The following LYPD6 variants were observed in gnomAD, a reference collection of about 807,000 sequenced individuals.
LYPD6 encodes ly6/PLAUR domain-containing protein 6.
LYPD6 carries 15 observed loss-of-function variants against 22.7 expected under a neutral mutation model. The ratio of observed to expected loss-of-function variants is 0.66; its 90% CI spans 0.44 to 1.02. The LOEUF (loss-of-function observed/expected upper bound fraction) is 1.02. Ranked by LOEUF, LYPD6 falls within the 50% of genes least tolerant of loss-of-function variation. LYPD6 has a pLI of 0.00. For synonymous variants in LYPD6, 72 were observed against 77.5 expected (o/e 0.93, Z 0.37); for missense variants, 189 against 208.4 (o/e 0.91, Z 0.57).
At chr2:149,435,172 G>A (rs1422925388) in intron 1 of LYPD6, among the ~76,000 whole-genome samples, 2 of 152,192 alleles carry the variant, frequency 1.3e-5, no homozygotes, top group Non-Finnish European at 2.9e-5. Flanking sequence ...GAGGCCTCAG[G>A]AGACAGCAGC....
intron 3 of LYPD6, chr2:149,464,139 C>T (rs1558817229): frequency 2.6e-6 from 1 of 379,022 alleles, no homozygotes; most frequent in Admixed American, 4.1e-5. Flanking sequence ...AGTTTAAACA[C>T]AAAAAAATCA....
chr2:149,389,615 C>A (rs765468597), intron 1 of LYPD6, among the ~76,000 whole-genome samples: 12 of 152,174 alleles, frequency 7.9e-5, no homozygotes, highest in Non-Finnish European at 1.6e-4. Flanking sequence ...ATCTGAATAG[C>A]ATGGAAGGTC....
At chr2:149,442,036 C>G (rs1470085291) in intron 2 of LYPD6, among the ~76,000 whole-genome samples, 1 of 152,118 alleles carries the variant, frequency 6.6e-6, no homozygotes, top group Non-Finnish European at 1.5e-5. Flanking sequence ...TAGGAAGGTA[C>G]CAGATAATGT....
chr2:149,396,316 G>C (rs1480170493), intron 1 of LYPD6, among the ~76,000 whole-genome samples: 1 of 150,336 alleles, frequency 6.7e-6, no homozygotes, highest in Non-Finnish European at 1.5e-5. Flanking sequence ...AGTCAGTTTT[G>C]TTCCTTTATA....
intron 1 of LYPD6, among the ~76,000 whole-genome samples, chr2:149,385,469 A>C (rs1682162329): frequency 6.6e-6 from 1 of 152,206 alleles, no homozygotes; most frequent in South Asian, 2.1e-4. Flanking sequence ...ACAGAGTCCT[A>C]ATGTCAGTCA....
chr2:149,337,778 C>T (rs888656248), intron 1 of LYPD6, among the ~76,000 whole-genome samples: 1 of 152,178 alleles, frequency 6.6e-6, no homozygotes, highest in African/African-American at 2.4e-5. Flanking sequence ...TCATTCCTCA[C>T]TCTCTTCCCA....
chr2:149,428,823 A>G, intron 1 of LYPD6, among the ~76,000 whole-genome samples: 1 of 152,192 alleles, frequency 6.6e-6, no homozygotes, highest in East Asian at 1.9e-4. Flanking sequence ...GAAAAGTTGT[A>G]ATGGAGTGGT....
chr2:149,342,062 T>G (rs1559118343), intron 1 of LYPD6, among the ~76,000 whole-genome samples: 1 of 152,194 alleles, frequency 6.6e-6, no homozygotes, highest in Non-Finnish European at 1.5e-5. Flanking sequence ...TTAGAGACTC[T>G]ACTCTGCTGC....
downstream of LYPD6, among the ~76,000 whole-genome samples, chr2:149,476,590 G>T (rs1025931826): frequency 4.6e-5 from 7 of 152,128 alleles, no homozygotes; most frequent in African/African-American, 1.7e-4. Context: ...AACTCTGTTG[G>T]ATTTAGGCAA....
At chr2:149,336,687 T>C (rs1681040598) in intron 1 of LYPD6, among the ~76,000 whole-genome samples, 1 of 152,180 alleles carries the variant, frequency 6.6e-6, no homozygotes, top group South Asian at 2.1e-4. Context: ...TGGAAGTGAT[T>C]TTTATTATCT....
At chr2:149,377,776 T>TCCCCCCCCCCCCCCCC (rs1477609355) in intron 1 of LYPD6, among the ~76,000 whole-genome samples, 1 of 61,978 alleles carries the variant, frequency 1.6e-5, no homozygotes, top group African/African-American at 7.7e-5. Context: ...CGAGACTTTG[T>TCCCCCCCCCCCCCCCC]CCCCACCCCC....
intron 3 of LYPD6, among the ~76,000 whole-genome samples, chr2:149,458,938 C>T (rs545259325): frequency 6.6e-6 from 1 of 152,252 alleles, no homozygotes; most frequent in Non-Finnish European, 1.5e-5. Context: ...TACAGAGCCT[C>T]AGAGATCTAT....
chr2:149,350,578 G>C (rs1250568832), intron 1 of LYPD6, among the ~76,000 whole-genome samples: 2 of 152,166 alleles, frequency 1.3e-5, no homozygotes, highest in Non-Finnish European at 2.9e-5. Context: ...GTGCTGTCCA[G>C]TAGAATTTTC....
chr2:149,422,986 G>A (rs974989646), intron 1 of LYPD6, among the ~76,000 whole-genome samples: 1 of 152,000 alleles, frequency 6.6e-6, no homozygotes, highest in Non-Finnish European at 1.5e-5. Context: ...AATCAAATAA[G>A]TATACCCCTT....
At chr2:149,378,419 G>A (rs148765323) in intron 1 of LYPD6, among the ~76,000 whole-genome samples, 6 of 152,282 alleles carry the variant, frequency 3.9e-5, no homozygotes, top group Admixed American at 2.6e-4. Context: ...GGCTTGGCCC[G>A]ATTAAACTTT....
intron 1 of LYPD6, among the ~76,000 whole-genome samples, chr2:149,389,666 T>G (rs139639437): frequency 2.0e-5 from 3 of 152,244 alleles, no homozygotes; most frequent in Admixed American, 2.0e-4. Flanking sequence ...CAATGGGGTT[T>G]AGGTTTGGTA....
chr2:149,443,255 G>T (rs1173899273), intron 2 of LYPD6, among the ~76,000 whole-genome samples: 1 of 152,154 alleles, frequency 6.6e-6, no homozygotes, highest in Non-Finnish European at 1.5e-5. Flanking sequence ...GGAGTAGCTG[G>T]ATCGTCAATC....
intron 1 of LYPD6, among the ~76,000 whole-genome samples, chr2:149,360,468 G>A (rs1212763805): frequency 6.6e-6 from 1 of 152,224 alleles, no homozygotes; most frequent in Non-Finnish European, 1.5e-5. Flanking sequence ...ACTTGAGCTA[G>A]TCATTTCAGC....
chr2:149,339,585 A>G (rs1990649), intron 1 of LYPD6, among the ~76,000 whole-genome samples: 42,773 of 152,046 alleles, frequency 0.28, 6,661 homozygotes, highest in East Asian at 0.61. Context: ...ACAGATACCC[A>G]AAGTCAAATT....
Sources: gnomAD v4.1 joint callset for allele counts (sites outside exome capture counted in the v4.1 genomes callset) on GRCh38, gnomAD v4.1.1 for gene constraint, MANE v1.5 for transcripts, NCBI Gene and HGNC (gene_info 2026-07-23, HGNC 2026-07-21) for gene names.